Variants in ZNF423 observed in about 807,000 individuals in gnomAD.
The protein encoded by ZNF423 is zinc finger protein 423.
Under a neutral mutation model 95.8 loss-of-function variants are expected in ZNF423, and 12 were observed. That is an observed-to-expected ratio of 0.13 (90% CI 0.08 to 0.20). The LOEUF is 0.20. ZNF423 is among the 10% of genes least tolerant of loss of function. The pLI, the probability that ZNF423 is intolerant of heterozygous loss-of-function variation, is 1.00. For missense variants in ZNF423, 1,316 were observed against 1,737.1 expected (o/e 0.76, Z 4.31); for synonymous variants, 749 against 711.9 (o/e 1.05, Z -0.83).
At chr16:49,618,739 C>A (rs538090888) in intron 5 of ZNF423, among the ~76,000 whole-genome samples, 1 of 152,324 alleles carries the variant, frequency 6.6e-6, no homozygotes, top group Non-Finnish European at 1.5e-5. Context: ...GTCTTCTCTG[C>A]CAGTCCCTAA....
upstream of ZNF423, among the ~76,000 whole-genome samples, chr16:49,856,398 CG>C: frequency 7.1e-6 from 1 of 140,948 alleles, no homozygotes; most frequent in Non-Finnish European, 1.5e-5. Context: ...GGGAGGCGGT[CG>C]GGAGCGCGGA....
chr16:49,560,496 C>T (rs1310767344), intron 5 of ZNF423, among the ~76,000 whole-genome samples: 2 of 152,164 alleles, frequency 1.3e-5, no homozygotes, highest in South Asian at 2.1e-4. Flanking sequence ...ATATTCCCTT[C>T]CCTCTCGCAG....
intron 1 of ZNF423, 134 bp from the exon 2 acceptor site, chr16:49,789,680 A>G: frequency 1.3e-6 from 1 of 754,302 alleles, no homozygotes; most frequent in Non-Finnish European, 2.0e-6. Context: ...AGAGGGGGCA[A>G]AGCCTACAAA....
intron 5 of ZNF423, among the ~76,000 whole-genome samples, chr16:49,611,300 G>C (rs927544457): frequency 6.6e-6 from 1 of 151,968 alleles, no homozygotes; most frequent in African/African-American, 2.4e-5. Context: ...ATCATACATA[G>C]TGTTTTTTCC....
chr16:49,801,260 C>T (rs976194611), intron 1 of ZNF423, among the ~76,000 whole-genome samples: 1 of 152,208 alleles, frequency 6.6e-6, no homozygotes, highest in Non-Finnish European at 1.5e-5. Flanking sequence ...CCCTCACGTC[C>T]TTCCCCACCA....
rs111482758 is a variant in ZNF423 at position 49,662,202 on chromosome 16, C to T, written c.302-23328G>A. Reference sequence around the variant, plus strand: ...CATGTCATAAAGAAAGCCAGTCCCCCTGAAGGGCTCTGGTCCACCCCAAAA... The same window carrying T: ...CATGTCATAAAGAAAGCCAGTCCCCTTGAAGGGCTCTGGTCCACCCCAAAA... On this transcript the variant is annotated intron_variant, in intron 3 of 7. Transcript: ENST00000563137. 8.0e-3 allele frequency among the ~76,000 whole-genome samples: 1,224 copies of T among 152,298 alleles called. 18 individuals are homozygous for T. The highest frequency in any genetic ancestry group is 0.027 in the African/African-American group (1,124 of 41,558).
intron 1 of ZNF423, among the ~76,000 whole-genome samples, chr16:49,814,362 G>A (rs963733638): frequency 5.3e-5 from 8 of 152,120 alleles, no homozygotes; most frequent in South Asian, 2.1e-4. Flanking sequence ...GGGCAGGATC[G>A]GAGGGCAAGC....
At chr16:49,759,056 G>C (rs1369512162) in intron 2 of ZNF423, among the ~76,000 whole-genome samples, 1 of 152,132 alleles carries the variant, frequency 6.6e-6, no homozygotes. Flanking sequence ...CTAGATCTGT[G>C]TTTCATTTTG....
chr16:49,588,697 T>C (rs1358583464), intron 5 of ZNF423, among the ~76,000 whole-genome samples: 1 of 152,232 alleles, frequency 6.6e-6, no homozygotes, highest in Non-Finnish European at 1.5e-5. Flanking sequence ...GCCTCCCAAA[T>C]ATGTTGAAAG....
intron 1 of ZNF423, among the ~76,000 whole-genome samples, chr16:49,829,717 C>A (rs1261182717): frequency 6.6e-6 from 1 of 152,056 alleles, no homozygotes; most frequent in Non-Finnish European, 1.5e-5. Context: ...GCCAGCAATC[C>A]CAACACTGTC....
At chr16:49,758,502 A>C (rs2143621480) in intron 2 of ZNF423, among the ~76,000 whole-genome samples, 1 of 152,210 alleles carries the variant, frequency 6.6e-6, no homozygotes, top group East Asian at 1.9e-4. Flanking sequence ...AGCTACTTGG[A>C]GGGCTAAGTA....
At chr16:49,713,655 C>T (rs1280298752) in intron 3 of ZNF423, among the ~76,000 whole-genome samples, 4 of 152,206 alleles carry the variant, frequency 2.6e-5, no homozygotes, top group Non-Finnish European at 5.9e-5. Flanking sequence ...CCTCCATCTC[C>T]CGGTTTGAGT....
At chr16:49,750,795 G>C (rs965583401) in intron 2 of ZNF423, among the ~76,000 whole-genome samples, 2 of 152,218 alleles carry the variant, frequency 1.3e-5, no homozygotes, top group Non-Finnish European at 2.9e-5. Flanking sequence ...GCTGGAAGAC[G>C]CCAGCTCCAG....
At chr16:49,774,208 C>G (rs910794867) in intron 2 of ZNF423, among the ~76,000 whole-genome samples, 1 of 152,228 alleles carries the variant, frequency 6.6e-6, no homozygotes, top group African/African-American at 2.4e-5. Flanking sequence ...TCTTTGCTTC[C>G]TCTTTCCACG....
At chr16:49,499,516 G>A (rs141922703) in intron 7 of ZNF423, among the ~76,000 whole-genome samples, 4 of 152,314 alleles carry the variant, frequency 2.6e-5, no homozygotes, top group African/African-American at 9.6e-5. Flanking sequence ...GTCACCTGGG[G>A]TAACATTTGA....
rs1019260162 is a variant in ZNF423, at chr16:49,840,261, T to A, written c.40+15474A>T. Among the ~76,000 whole-genome samples the A allele has an allele frequency of 6.6e-5, 10 of 152,252 alleles. No individual in the cohort carries two copies. The East Asian group carries it at 9.6e-4, about 15-fold the overall frequency. On this transcript the variant is annotated intron_variant, in intron 1 of 7. Coordinates refer to ENST00000563137, the MANE Select transcript of ZNF423 (RefSeq NM_001379286.1). ...GCTCCGAGAAGCCGTGAAGTTTTTT[T>A]AAAAAAAATTTTAACTCTGTTTAAT...
chr16:49,815,881 A>ATATATATATAT (rs1555488161), intron 1 of ZNF423, among the ~76,000 whole-genome samples: 24 of 47,576 alleles, frequency 5.0e-4, no homozygotes, highest in Admixed American at 9.8e-4. Context: ...AAAAAAAAAA[A>ATATATATATAT]ATATATATAT....
rs1478410538 is a variant in ZNF423 at position 49,614,499 on chromosome 16, T to A, written c.3601+11671A>T. Among the ~76,000 whole-genome samples, 6 of 152,152 alleles carry A rather than the reference T, an allele frequency of 3.9e-5. No individual in the cohort carries two copies. In the South Asian group the frequency reaches 1.0e-3, roughly 26 times the overall value. On this transcript the variant is annotated intron_variant, in intron 5 of 7. Transcript: ENST00000563137. ...AAATATAATTCCATTTATATAACAGTCTTGAAATGATAAAATTATAGAAAC... is the reference window on the plus strand; with the variant it reads ...AAATATAATTCCATTTATATAACAGACTTGAAATGATAAAATTATAGAAAC...
chr16:49,497,258 T>TCCATCCA (rs1967199836), intron 7 of ZNF423, among the ~76,000 whole-genome samples: 1 of 152,202 alleles, frequency 6.6e-6, no homozygotes, highest in African/African-American at 2.4e-5. Flanking sequence ...CATGCATACA[T>TCCATCCA]TTCTTCCACA....
Sources: gnomAD v4.1 joint callset for allele counts (sites outside exome capture counted in the v4.1 genomes callset) on GRCh38, gnomAD v4.1.1 for gene constraint, MANE v1.5 for transcripts, NCBI Gene and HGNC (gene_info 2026-07-23, HGNC 2026-07-21) for gene names.